MEI4: variants seen among roughly 807,000 people sequenced by gnomAD.
MEI4 encodes meiotic double-stranded break formation protein 4.
A neutral mutation model predicts 31.4 loss-of-function variants in MEI4; 27 were observed. The observed-to-expected ratio is 0.86, with a 90% CI of 0.63 to 1.19. The LOEUF (loss-of-function observed/expected upper bound fraction) is 1.19, where lower values mean the gene tolerates loss of function less well. MEI4 is among the 50% of genes most tolerant of loss of function. MEI4 has a pLI of 0.00. For missense variants in MEI4, 329 were observed against 398.9 expected, an observed-to-expected ratio of 0.82 and a Z score of 1.49; for synonymous variants, 122 against 145.4, an observed-to-expected ratio of 0.84 and a Z score of 1.16.
At chr6:77,792,837 C>T (rs560239962) in intron 3 of MEI4, among the ~76,000 whole-genome samples, 25 of 151,998 alleles carry the variant, frequency 1.6e-4, no homozygotes, top group South Asian at 4.2e-4. Context: ...CTCAGCCTCC[C>T]GAGTAGCTGG....
intron 1 of MEI4, among the ~76,000 whole-genome samples, chr6:77,672,685 G>C (rs1768767886): frequency 6.6e-6 from 1 of 152,094 alleles, no homozygotes; most frequent in South Asian, 2.1e-4. Context: ...GATTACAGGT[G>C]TGCACCACCA....
chr6:77,839,872 A>G (rs192570632), intron 4 of MEI4, among the ~76,000 whole-genome samples: 87 of 152,308 alleles, frequency 5.7e-4, no homozygotes, highest in Non-Finnish European at 5.1e-4. Context: ...TACAATCTAA[A>G]ACTACTCAAT....
chr6:77,653,194 C>T (rs1768330565), intron 1 of MEI4, among the ~76,000 whole-genome samples, 102 bp downstream of exon 1: 1 of 152,206 alleles, frequency 6.6e-6, no homozygotes, highest in African/African-American at 2.4e-5. Context: ...GGATCTTTCT[C>T]AAGCCAGTTA....
intron 2 of MEI4, among the ~76,000 whole-genome samples, chr6:77,742,464 G>A (rs1767437263): frequency 6.6e-6 from 1 of 152,062 alleles, no homozygotes; most frequent in African/African-American, 2.4e-5. Context: ...TTTTTGATGG[G>A]GTTGTTTGTT....
chr6:77,708,616 C>A (rs1766385198), intron 2 of MEI4, among the ~76,000 whole-genome samples: 1 of 152,120 alleles, frequency 6.6e-6, no homozygotes, highest in African/African-American at 2.4e-5. Context: ...GAAATGTGAT[C>A]CCCAGTGTTG....
In MEI4 at chr6:77,925,327, G is replaced by A. The variant is rs908606353; in HGVS notation, c.*1981G>A. The A allele has an allele frequency of 2.0e-5, 3 of 151,746 alleles. No individual in the cohort carries two copies. Among genetic ancestry groups the A allele is most frequent in the African/African-American group, 7.3e-5 (3 of 41,360 alleles). The allele number at this position is 151,746 out of a possible 1,614,324, so 9.4% of individuals were successfully genotyped here. A position where few individuals can be genotyped will look rare whatever the true frequency, so the allele number is the denominator to read the frequency against. On this transcript the variant is annotated 3_prime_UTR_variant, in exon 5 of 5. Transcript: ENST00000684080. Reference sequence around the variant, plus strand: ...TGGAGAAACATTTTATTTCCATTTGGTATCCATTTTATATAAACATTTAAC... The same window carrying A: ...TGGAGAAACATTTTATTTCCATTTGATATCCATTTTATATAAACATTTAAC...
At chr6:77,663,994 A>G (rs1324704812) in intron 1 of MEI4, among the ~76,000 whole-genome samples, 1 of 152,198 alleles carries the variant, frequency 6.6e-6, no homozygotes, top group African/African-American at 2.4e-5. Flanking sequence ...TCCTTGGCCC[A>G]GTGGCCAGAT....
At chr6:77,852,267 A>G (rs940812864) in intron 4 of MEI4, among the ~76,000 whole-genome samples, 1 of 152,222 alleles carries the variant, frequency 6.6e-6, no homozygotes, top group Non-Finnish European at 1.5e-5. Flanking sequence ...ATAAAAATGC[A>G]TGAATAAAAT....
chr6:77,903,070 A>G (rs534864059), intron 4 of MEI4, among the ~76,000 whole-genome samples: 38 of 152,130 alleles, frequency 2.5e-4, no homozygotes, highest in Non-Finnish European at 4.3e-4. Context: ...TTTTCTATAT[A>G]TAAGATTATA....
At chr6:77,825,712 CTA>C (rs1273224468) in intron 3 of MEI4, among the ~76,000 whole-genome samples, 1 of 152,152 alleles carries the variant, frequency 6.6e-6, no homozygotes, top group Non-Finnish European at 1.5e-5. Flanking sequence ...ATATATGTCT[CTA>C]TTGCATTTTA....
At chr6:77,776,487 G>T (rs921844371) in intron 3 of MEI4, among the ~76,000 whole-genome samples, 5 of 152,044 alleles carry the variant, frequency 3.3e-5, no homozygotes, top group Non-Finnish European at 7.4e-5. Flanking sequence ...CTTCCTTCAG[G>T]CTTCTGGGAA....
intron 4 of MEI4, among the ~76,000 whole-genome samples, chr6:77,853,197 C>CA (rs1770671187): frequency 6.6e-6 from 1 of 151,860 alleles, no homozygotes; most frequent in African/African-American, 2.4e-5. Flanking sequence ...AACTCCACCT[C>CA]AAAAAACAAA....
intron 3 of MEI4, among the ~76,000 whole-genome samples, chr6:77,776,053 T>G (rs1768431081): frequency 6.6e-6 from 1 of 152,108 alleles, no homozygotes; most frequent in Non-Finnish European, 1.5e-5. Flanking sequence ...TCTTGCTGAT[T>G]TGTTTGAGTT....
intron 2 of MEI4, among the ~76,000 whole-genome samples, chr6:77,694,950 C>T (rs1328229490): frequency 2.0e-5 from 3 of 151,288 alleles, no homozygotes; most frequent in African/African-American, 4.9e-5. Flanking sequence ...TTAATGATCG[C>T]CATTCTAACT....
Position 77,862,429 on chromosome 6 carries a change from C to T in MEI4, c.900+33367C>T, listed in dbSNP as rs1035404788. 3.9e-5 allele frequency among the ~76,000 whole-genome samples: 6 copies of T among 152,364 alleles called. No individual in the cohort carries two copies. In the East Asian group the frequency reaches 9.7e-4, roughly 25 times the overall value. Reference sequence around the variant, plus strand: ...CAAACGGCACAACAGGAGATTATATCCCACGCATGGCTCAGAGGGTCCTAT... The same window carrying T: ...CAAACGGCACAACAGGAGATTATATTCCACGCATGGCTCAGAGGGTCCTAT... On this transcript the variant is annotated intron_variant, in intron 4 of 4. Coordinates refer to ENST00000684080, the MANE Select transcript of MEI4 (RefSeq NM_001322247.2).
At chr6:77,858,466 C>A (rs778120281) in intron 4 of MEI4, among the ~76,000 whole-genome samples, 1 of 152,016 alleles carries the variant, frequency 6.6e-6, no homozygotes, top group African/African-American at 2.4e-5. Flanking sequence ...TTACATGGTA[C>A]AATACATTAT....
At chr6:77,843,535 A>T (rs552544414) in intron 4 of MEI4, among the ~76,000 whole-genome samples, 1 of 75,104 alleles carries the variant, frequency 1.3e-5, no homozygotes, top group African/African-American at 3.6e-5. Context: ...CAGACAAATT[A>T]AAAAAAAAAA....
intron 4 of MEI4, among the ~76,000 whole-genome samples, chr6:77,904,928 T>C (rs1421890638): frequency 1.3e-5 from 2 of 152,196 alleles, no homozygotes; most frequent in African/African-American, 4.8e-5. Context: ...ATTTAAGTGA[T>C]ATACATGCCA....
chr6:77,673,799 AC>A (rs1403182883), intron 1 of MEI4, among the ~76,000 whole-genome samples: 3 of 152,176 alleles, frequency 2.0e-5, no homozygotes, highest in Non-Finnish European at 2.9e-5. Context: ...ACTTGCCACA[AC>A]AAATTGTGTC....
Sources: allele counts gnomAD v4.1 joint callset (sites outside exome capture counted in the v4.1 genomes callset), GRCh38; gene constraint gnomAD v4.1.1; transcripts MANE v1.5; gene names NCBI Gene and HGNC (gene_info 2026-07-23, HGNC 2026-07-21).